NEB: variants seen among roughly 807,000 people sequenced by gnomAD.
The protein encoded by NEB is nebulin, also known as nemaline myopathy type 2.
Under a neutral mutation model 952.2 loss-of-function variants are expected in NEB, and 512 were observed. The observed-to-expected ratio is 0.54, with a 90% CI of 0.50 to 0.58. The LOEUF is 0.58. Ranked by LOEUF, NEB falls within the 20% of genes least tolerant of loss-of-function variation. The pLI is 0.00. For synonymous variants in NEB, 2,900 were observed against 3,149.8 expected (o/e 0.92, Z 2.66); for missense variants, 8,428 against 9,231.1 (o/e 0.91, Z 3.56).
chr2:151,499,807 G>C (rs1193948746), intron 168 of NEB, among the ~76,000 whole-genome samples: 1 of 152,118 alleles, frequency 6.6e-6, no homozygotes, highest in Admixed American at 6.5e-5. Flanking sequence ...ATGGCAATTT[G>C]GTCCTTGTCA....
At chr2:151,521,447 G>A (rs1358280543) in intron 153 of NEB, among the ~76,000 whole-genome samples, 3 of 152,234 alleles carry the variant, frequency 2.0e-5, no homozygotes, top group Non-Finnish European at 4.4e-5. Context: ...GGTCTGAGGT[G>A]TGAGCTGGTG....
intron 27 of NEB, among the ~76,000 whole-genome samples, chr2:151,685,489 C>G (rs188425912): frequency 3.5e-3 from 537 of 152,176 alleles, no homozygotes; most frequent in Middle Eastern, 6.8e-3. Flanking sequence ...CAGGAGATAA[C>G]CCCACTGAGA....
chr2:151,639,818 T>A, intron 62 of NEB, 39 bp downstream of exon 62: 2 of 1,532,672 alleles, frequency 1.3e-6, no homozygotes, highest in Non-Finnish European at 1.8e-6. Flanking sequence ...TGATTCAGCT[T>A]TAGGAGCCCC....
chr2:151,627,242 G>A, intron 69 of NEB, 37 bp from the exon 70 acceptor site: 1 of 1,587,094 alleles, frequency 6.3e-7, no homozygotes, highest in Non-Finnish European at 8.6e-7. Flanking sequence ...TATTACTGAA[G>A]TTGTTTTAAC....
intron 148 of NEB, among the ~76,000 whole-genome samples, chr2:151,526,471 G>A (rs541971525): frequency 2.2e-4 from 33 of 152,284 alleles, no homozygotes; most frequent in Non-Finnish European, 4.7e-4. Flanking sequence ...TGGATCTCGT[G>A]ATGAATCTTT....
intron 131 of NEB, 122 bp from the exon 132 acceptor site, chr2:151,547,860 A>G: frequency 1.5e-6 from 1 of 681,830 alleles, no homozygotes; most frequent in Non-Finnish European, 2.5e-6. Context: ...GATATAGAAA[A>G]TGATTGAGAT....
Position 151,709,687 on chromosome 2 carries a change from A to C in NEB, c.1004T>G (p.Met335Arg), listed in dbSNP as rs771023811. 1 of 1,603,106 alleles carries C rather than the reference A, an allele frequency of 6.2e-7. No individual in the cohort carries two copies. Among genetic ancestry groups the C allele is most frequent in the East Asian group, 2.2e-5 (1 of 44,686 alleles). ...FMQTETPEYKMNKKAGVAASK... is the reference protein window; with the variant it reads ...FMQTETPEYKRNKKAGVAASK... ...AGCTGCCACACCAGCTTTTTTATTC[A>C]TTTTATACTCTGGTGTTTCGGTCTG... Residue 335 changes from methionine to arginine, a missense_variant, in exon 12 of 182, where the codon ATG becomes AGG. Around this residue, in one of 11 missense-constraint regions of NEB, gnomAD observed 2,851 missense variants for 2,791.5 expected, o/e 1.02. Coordinates refer to ENST00000397345, the MANE Select transcript of NEB (RefSeq NM_001164508.2).
Position 151,666,111 on chromosome 2 carries a change from A to G in NEB, c.5010T>C (p.Asn1670=), listed in dbSNP as rs1264308088. 4 of 1,612,894 alleles carry G rather than the reference A, an allele frequency of 2.5e-6. No homozygotes were observed. In the African/African-American group the frequency reaches 4.0e-5, roughly 16 times the overall value. ...ATACATCACTCTGAATCTGCATGGC[A>G]TTCCTGGAGTGCTCCACATTCAAGG... is the stretch of plus-strand genomic sequence containing the variant. ...PDALNVEHSR[N]AMQIQSDNLY... is the part of the protein sequence containing the mutation. The change falls in exon 41 of 182, where the codon AAT becomes AAC. Residue 1670 remains asparagine, a synonymous_variant. Coordinates refer to ENST00000397345, the MANE Select transcript of NEB (RefSeq NM_001164508.2).
At position 151,689,103 on chromosome 2, in the gene NEB, G is replaced by T. The variant is rs1269255566; in HGVS notation, c.2311-707C>A. 6 of 151,386 alleles carry T rather than the reference G, an allele frequency of 4.0e-5. No individual in the cohort carries two copies. In the East Asian group the frequency reaches 1.2e-3, roughly 29 times the overall value. 9.4% of individuals were successfully genotyped at this position (151,386 alleles called of 1,614,324 possible). On this transcript the variant is annotated intron_variant, in intron 24 of 181. Coordinates refer to ENST00000397345, the MANE Select transcript of NEB (RefSeq NM_001164508.2). Reference sequence around the variant, plus strand: ...CATTTCCAGTCTATACTGCTAGGTTGTGTCTGGAGAACACGAACTTCTGTA... The same window carrying T: ...CATTTCCAGTCTATACTGCTAGGTTTTGTCTGGAGAACACGAACTTCTGTA...
chr2:151,650,577 A>T lies in NEB; in HGVS notation c.7224T>A (p.Ser2408Arg). 6.4e-7 allele frequency: 1 copy of T among 1,563,100 alleles called. No individual in the cohort carries two copies. Among genetic ancestry groups the T allele is most frequent in the South Asian group, 1.2e-5 (1 of 80,116 alleles). ...VQAKKVYELQ[S>R]ENLYKSDLEW... The stretch of plus-strand genomic sequence containing the variant: ...ATTGGATTTAATAGAAACTGACCTC[A>T]CTTTGCAGTTCATAAACTTTCTTAG... The change falls in exon 53 of 182, where the codon AGT becomes AGA. Residue 2408 changes from serine (S) to arginine (R), a missense_variant. Ser to Arg is a moderately radical substitution (Grantham distance 110, BLOSUM62 -1). This residue lies in a region of NEB where 1,772 missense variants were observed against 1,960.3 expected (regional missense o/e 0.90). Transcript: ENST00000397345.
intron 157 of NEB, among the ~76,000 whole-genome samples, chr2:151,516,197 G>A (rs1009788004): frequency 5.9e-5 from 9 of 152,162 alleles, no homozygotes; most frequent in Non-Finnish European, 1.0e-4. Context: ...TATAATTTGT[G>A]TTGGGAATAG....
rs1259126205 is a variant in NEB, at chr2:151,695,687, G to C, written c.1570-5C>G. 1 of 1,593,530 alleles carries C rather than the reference G, an allele frequency of 6.3e-7. No homozygotes were observed. Among genetic ancestry groups the C allele is most frequent in the African/African-American group, 1.3e-5 (1 of 74,506 alleles). On this transcript the variant is annotated splice_region_variant and splice_polypyrimidine_tract_variant and intron_variant, in intron 17 of 181. Coordinates refer to ENST00000397345, the MANE Select transcript of NEB (RefSeq NM_001164508.2). Reference sequence around the variant, plus strand: ...ATGTTTTGCTTTGTAATTTAACTATGACAGAGAGAGAACCAATTAGTTCAG... The same window carrying C: ...ATGTTTTGCTTTGTAATTTAACTATCACAGAGAGAGAACCAATTAGTTCAG...
At chr2:151,505,071 T>TTA (rs993294500) in intron 165 of NEB, among the ~76,000 whole-genome samples, 35 of 152,260 alleles carry the variant, frequency 2.3e-4, no homozygotes, top group African/African-American at 7.7e-4. Flanking sequence ...CACACATGTT[T>TTA]TATATATATA....
chr2:151,554,647 C>T (rs1209592888), intron 125 of NEB, among the ~76,000 whole-genome samples: 1 of 152,204 alleles, frequency 6.6e-6, no homozygotes, highest in Non-Finnish European at 1.5e-5. Context: ...GAGTTACCCT[C>T]ATGTGTTGCA....
At chr2:151,653,541 A>T (rs1010054678) in intron 52 of NEB, among the ~76,000 whole-genome samples, 57 of 152,206 alleles carry the variant, frequency 3.7e-4, no homozygotes, top group Non-Finnish European at 6.2e-4. Context: ...TTACAATTAT[A>T]TAAGTGCAAA....
At chr2:151,505,219 TAAG>T (rs374373873) in intron 165 of NEB, among the ~76,000 whole-genome samples, 10 of 152,174 alleles carry the variant, frequency 6.6e-5, no homozygotes, top group African/African-American at 2.2e-4. Flanking sequence ...GATAATTAAT[TAAG>T]AAGCCAAGTC....
chr2:151,666,487 C>A, intron 40 of NEB, 86 bp from the exon 41 acceptor site: 2 of 1,306,520 alleles, frequency 1.5e-6, no homozygotes, highest in Non-Finnish European at 2.1e-6. Context: ...AAGCAAAAGC[C>A]AACTTCAGTC....
rs562556217 is a variant in NEB at position 151,639,581 on chromosome 2, G to C, written c.8890-197C>G. ...TAAATGCCTTCTAATAATCTGAAATGTATGTTAACAAAAGGAAAATGAGAA... is the reference window on the plus strand; with the variant it reads ...TAAATGCCTTCTAATAATCTGAAATCTATGTTAACAAAAGGAAAATGAGAA... On this transcript the variant is annotated intron_variant, in intron 62 of 181. Coordinates refer to ENST00000397345, the MANE Select transcript of NEB (RefSeq NM_001164508.2). 4.6e-5 allele frequency among the ~76,000 whole-genome samples: 7 copies of C among 152,280 alleles called. No homozygotes were observed. In the South Asian group the frequency reaches 1.2e-3, roughly 27 times the overall value.
At chr2:151,496,868 A>C in intron 172 of NEB, 73 bp downstream of exon 172, 4 of 1,419,110 alleles carry the variant, frequency 2.8e-6, no homozygotes, top group Non-Finnish European at 3.9e-6. Flanking sequence ...AATAGGATTA[A>C]TATGTATTAT....
Sources: allele counts gnomAD v4.1 joint callset (sites outside exome capture counted in the v4.1 genomes callset), GRCh38; gene constraint gnomAD v4.1.1; regional missense constraint gnomAD v4.1.1; transcripts MANE v1.5; gene names NCBI Gene and HGNC (gene_info 2026-07-23, HGNC 2026-07-21).